ADGRV1: variants seen among roughly 807,000 people sequenced by gnomAD.
ADGRV1 encodes adhesion G protein-coupled receptor V1.
In ADGRV1, 359 loss-of-function variants were observed where a neutral mutation model predicts 596.2. The ratio of observed to expected loss-of-function variants is 0.60; its 90% CI spans 0.55 to 0.66. The LOEUF is 0.66. Among genes scored for constraint, ADGRV1 ranks in the 30% least tolerant of loss-of-function variants. The probability of loss-of-function intolerance (pLI) is 0.00; values close to 1 mark genes in which losing one functional copy is unlikely to be tolerated. For synonymous variants in ADGRV1, 2,681 were observed against 2,679.2 expected (o/e 1.00, Z -0.02); for missense variants, 7,274 against 7,575.6 (o/e 0.96, Z 1.48).
chr5:90,823,532 G>C lies in ADGRV1; in HGVS notation c.16304G>C (p.Gly5435Ala), dbSNP rs1266313344. 2 of 1,613,794 alleles carry C rather than the reference G, an allele frequency of 1.2e-6. No individual in the cohort carries two copies. The highest frequency in any genetic ancestry group is 1.7e-5 in the Admixed American group (1 of 60,010). ...GTGGAGGAACTTCAGTCTGTGTCAGGGACCACAACCTGTACAATGGGTCAA... is the reference window on the plus strand; with the variant it reads ...GTGGAGGAACTTCAGTCTGTGTCAGCGACCACAACCTGTACAATGGGTCAA... The part of the protein sequence containing the change: ...NLVEELQSVS[G>A]TTTCTMGQTK... The change falls in exon 76 of 90, where the codon GGG becomes GCG. Residue 5435 changes from glycine (G) to alanine (A), a missense_variant. Gly to Ala is a moderately conservative substitution (Grantham distance 60). This residue lies in a region of ADGRV1 where 1,874 missense variants were observed against 1,970.2 expected (regional missense o/e 0.95). Coordinates refer to ENST00000405460, the MANE Select transcript of ADGRV1 (RefSeq NM_032119.4).
intron 75 of ADGRV1, among the ~76,000 whole-genome samples, chr5:90,817,206 T>A (rs1170129562): frequency 1.3e-5 from 2 of 151,762 alleles, no homozygotes; most frequent in Non-Finnish European, 2.9e-5. Flanking sequence ...TGCATAAATG[T>A]CTTCTTTTGA....
In ADGRV1 at chr5:90,808,151, CTTTAA is replaced by C. The variant is rs577118543; in HGVS notation, c.14972+423_14972+427del. On this transcript the variant is annotated intron_variant, in intron 73 of 89. Coordinates refer to ENST00000405460, the MANE Select transcript of ADGRV1 (RefSeq NM_032119.4). ...CTTATTTGGACCAGTGGCCCTTTGA[CTTTAA>C]TTTAATTTTATTGAATTTTACTATG... Among the ~76,000 whole-genome samples, 94 of 152,290 alleles carry C rather than the reference CTTTAA, an allele frequency of 6.2e-4. 1 individual carries two copies. Among genetic ancestry groups the C allele is most frequent in the African/African-American group, 1.6e-3 (66 of 41,564 alleles).
chr5:91,102,991 C>T (rs1197361428), intron 87 of ADGRV1, among the ~76,000 whole-genome samples: 2 of 152,156 alleles, frequency 1.3e-5, no homozygotes, highest in African/African-American at 2.4e-5. Context: ...CAAAGTGAAA[C>T]GATCTGTCCT....
At chr5:90,738,377 C>T (rs1753523882) in intron 50 of ADGRV1, among the ~76,000 whole-genome samples, 1 of 152,034 alleles carries the variant, frequency 6.6e-6, no homozygotes, top group Non-Finnish European at 1.5e-5. Flanking sequence ...ATATCCTGAA[C>T]ATGACTATAT....
At chr5:91,090,188 C>T (rs1235197854) in intron 86 of ADGRV1, among the ~76,000 whole-genome samples, 1 of 152,088 alleles carries the variant, frequency 6.6e-6, no homozygotes, top group Non-Finnish European at 1.5e-5. Flanking sequence ...TTAACCTTTT[C>T]CTTAAGAATC....
chr5:91,109,277 G>A (rs906818869), intron 87 of ADGRV1, among the ~76,000 whole-genome samples: 4 of 152,192 alleles, frequency 2.6e-5, no homozygotes, highest in African/African-American at 9.7e-5. Context: ...GATATCAAGA[G>A]TGAGCAGAAC....
At chr5:90,651,465 C>A in intron 17 of ADGRV1, 139 bp from the exon 18 acceptor site, 1 of 620,582 alleles carries the variant, frequency 1.6e-6, no homozygotes, top group Non-Finnish European at 2.6e-6. Context: ...CAGTATTTTG[C>A]ATTTATTATA....
At chr5:91,041,866 A>G (rs1785391266) in intron 85 of ADGRV1, among the ~76,000 whole-genome samples, 1 of 152,118 alleles carries the variant, frequency 6.6e-6, no homozygotes, top group African/African-American at 2.4e-5. Flanking sequence ...TTTAAGAACA[A>G]ACTCAACACA....
rs1280469053 is a variant in ADGRV1 at position 90,617,959 on chromosome 5, T to C, written c.357+6T>C. The C allele has an allele frequency of 1.9e-6, 3 of 1,545,076 alleles. No homozygotes were observed. The highest frequency in any genetic ancestry group is 2.6e-6 in the Non-Finnish European group (3 of 1,144,160). On this transcript the variant is annotated splice_donor_region_variant and intron_variant, in intron 3 of 89. Coordinates refer to ENST00000405460, the MANE Select transcript of ADGRV1 (RefSeq NM_032119.4). Reference sequence around the variant, plus strand: ...TTTTTCACTTAACATTACAGGTAAGTCCGTGTTTCCTCCTTATAAAAATTA... The same window carrying C: ...TTTTTCACTTAACATTACAGGTAAGCCCGTGTTTCCTCCTTATAAAAATTA...
intron 86 of ADGRV1, among the ~76,000 whole-genome samples, chr5:91,073,641 A>T (rs1422549578): frequency 6.6e-6 from 1 of 152,190 alleles, no homozygotes; most frequent in Non-Finnish European, 1.5e-5. Flanking sequence ...GCATAGCAGT[A>T]TCTAGCCATC....
At chr5:90,987,015 T>C (rs1780551000) in intron 85 of ADGRV1, among the ~76,000 whole-genome samples, 1 of 152,196 alleles carries the variant, frequency 6.6e-6, no homozygotes, top group African/African-American at 2.4e-5. Context: ...CTTGATCCTT[T>C]TAAAAGGATT....
rs1754555183 is a variant in ADGRV1, at chr5:90,745,752, TTCTG to T, written c.10935_10938del (p.Ser3646MetfsTer27). On this transcript the variant is annotated frameshift_variant, in exon 52 of 90. Transcript: ENST00000405460. LOFTEE classifies it high-confidence loss of function. Reference sequence around the variant, plus strand: ...ATTAATGATTCTGTAACAATAACCATTCTGTCTAATGATGATGCCTATGGAATTG... The same window carrying T: ...ATTAATGATTCTGTAACAATAACCATTCTAATGATGATGCCTATGGAATTG... The T allele has an allele frequency of 2.5e-6, 4 of 1,611,974 alleles. No individual in the cohort carries two copies. The highest frequency in any genetic ancestry group is 2.5e-6 in the Non-Finnish European group (3 of 1,178,740).
intron 84 of ADGRV1, among the ~76,000 whole-genome samples, chr5:90,969,591 TAAC>T (rs1406658371): frequency 1.3e-5 from 2 of 152,222 alleles, no homozygotes; most frequent in Non-Finnish European, 2.9e-5. Flanking sequence ...GAGGATGTAT[TAAC>T]AAATTATTTT....
chr5:91,163,353 C>T (rs1370537626), intron 89 of ADGRV1, among the ~76,000 whole-genome samples: 2 of 152,218 alleles, frequency 1.3e-5, no homozygotes, highest in Non-Finnish European at 2.9e-5. Flanking sequence ...CTGCCCAACA[C>T]TGAATCTCAA....
intron 85 of ADGRV1, among the ~76,000 whole-genome samples, chr5:91,033,908 T>C (rs1488246900): frequency 2.6e-5 from 4 of 152,232 alleles, no homozygotes; most frequent in Non-Finnish European, 4.4e-5. Context: ...TTAACAGATA[T>C]TCAAATCTTA....
intron 83 of ADGRV1, among the ~76,000 whole-genome samples, chr5:90,886,313 C>T (rs1770278303): frequency 1.3e-5 from 2 of 152,150 alleles, no homozygotes; most frequent in South Asian, 4.1e-4. Flanking sequence ...CTCTTCCTCT[C>T]CTGGCCAACT....
intron 83 of ADGRV1, among the ~76,000 whole-genome samples, chr5:90,915,246 G>A (rs951731777): frequency 4.6e-5 from 7 of 152,044 alleles, no homozygotes; most frequent in South Asian, 2.1e-4. Context: ...CTTAATTATC[G>A]TTTGTATAGG....
At chr5:90,647,830 T>C (rs1768019395) in intron 17 of ADGRV1, 66 bp downstream of exon 17, 5 of 1,404,298 alleles carry the variant, frequency 3.6e-6, no homozygotes, top group Admixed American at 1.8e-5. Flanking sequence ...AATTAAGCAC[T>C]GCAGTCCAAT....
chr5:90,941,619 C>A (rs908370736), intron 83 of ADGRV1, among the ~76,000 whole-genome samples: 2 of 152,132 alleles, frequency 1.3e-5, no homozygotes, highest in African/African-American at 4.8e-5. Flanking sequence ...GGACTGGAGA[C>A]AAAACTGGGA....
Sources: allele counts gnomAD v4.1 joint callset (sites outside exome capture counted in the v4.1 genomes callset), GRCh38; gene constraint gnomAD v4.1.1; regional missense constraint gnomAD v4.1.1; transcripts MANE v1.5; gene names NCBI Gene and HGNC (gene_info 2026-07-23, HGNC 2026-07-21).